The following SVIL variants were observed in gnomAD, a reference collection of about 807,000 sequenced individuals.
SVIL encodes supervillin.
Under a neutral mutation model 240.4 loss-of-function variants are expected in SVIL, and 101 were observed. The observed-to-expected ratio is 0.42, with a 90% confidence interval of 0.36 to 0.50. The LOEUF (loss-of-function observed/expected upper bound fraction) is 0.50, where lower values mean the gene tolerates loss of function less well. Among genes scored for constraint, SVIL ranks in the 20% least tolerant of loss-of-function variants. The probability of loss-of-function intolerance (pLI) is 0.01; values close to 1 mark genes in which losing one functional copy is unlikely to be tolerated. For missense variants in SVIL, 2,512 were observed against 2,818.7 expected, an observed-to-expected ratio of 0.89 and a Z score of 2.46; for synonymous variants, 999 against 1,100.0, an observed-to-expected ratio of 0.91 and a Z score of 1.82.
chr10:29,586,738 C>T (rs1303357982), intron 1 of SVIL, among the ~76,000 whole-genome samples: 1 of 152,132 alleles, frequency 6.6e-6, no homozygotes, highest in Non-Finnish European at 1.5e-5. Context: ...ATGTCCTCTG[C>T]AGGGACATGG....
chr10:29,524,824 T>C, intron 13 of SVIL, 109 bp from the exon 14 acceptor site: 1 of 1,532,348 alleles, frequency 6.5e-7, no homozygotes, highest in Non-Finnish European at 8.8e-7. Flanking sequence ...AAAGGGCTTC[T>C]TTTTCCCTAA....
At chr10:29,564,246 C>T (rs536501100) in intron 2 of SVIL, among the ~76,000 whole-genome samples, 24 of 152,196 alleles carry the variant, frequency 1.6e-4, no homozygotes, top group Non-Finnish European at 2.1e-4. Context: ...TTTACAGATC[C>T]GGAAATTGTT....
chr10:29,622,494 A>G (rs906873564), intron 1 of SVIL, among the ~76,000 whole-genome samples: 1 of 152,086 alleles, frequency 6.6e-6, no homozygotes, highest in Non-Finnish European at 1.5e-5. Flanking sequence ...CTCCAAAATC[A>G]TTGGAAGGAA....
chr10:29,539,857 C>A (rs547907575), intron 6 of SVIL, among the ~76,000 whole-genome samples: 10 of 152,288 alleles, frequency 6.6e-5, no homozygotes, highest in African/African-American at 1.9e-4. Flanking sequence ...CTTCCCTATG[C>A]CAAATCCCTG....
At chr10:29,515,581 A>C (rs376165278) in intron 16 of SVIL, among the ~76,000 whole-genome samples, 90 of 152,240 alleles carry the variant, frequency 5.9e-4, no homozygotes, top group African/African-American at 2.0e-3. Context: ...TCTCCCTGTA[A>C]ACTGGCCTCA....
intron 1 of SVIL, among the ~76,000 whole-genome samples, chr10:29,593,913 G>C (rs2132812777): frequency 6.6e-6 from 1 of 152,228 alleles, no homozygotes; most frequent in African/African-American, 2.4e-5. Context: ...TGGTTCTCTG[G>C]GGTTGGGAGG....
In SVIL at chr10:29,529,722, C is replaced by A; in HGVS notation, c.2229G>T (p.Glu743Asp). 1.2e-6 allele frequency: 2 copies of A among 1,609,194 alleles called. No individual in the cohort carries two copies. Among genetic ancestry groups the A allele is most frequent in the Non-Finnish European group, 1.7e-6 (2 of 1,178,206 alleles). ...GCACTTACGTGGCTGCGATGACCAC[C>A]TCTTCAGTGGTGATGGGCTGGGTGA... ...RSLTQPITTE[E>D]VVIAATEPIP... Residue 743 changes from glutamate to aspartate, a missense_variant, in exon 12 of 38, where the codon GAG (glutamate) becomes GAT (aspartate). Physicochemically the swap from Glu to Asp is conservative, Grantham distance 45. This residue lies in a region of SVIL where 1,443 missense variants were observed against 1,486.6 expected (regional missense o/e 0.97). Coordinates refer to ENST00000355867, the MANE Select transcript of SVIL (RefSeq NM_021738.3).
At chr10:29,661,569 T>G (rs966160505) in intron 2 of SVIL, among the ~76,000 whole-genome samples, 1 of 152,148 alleles carries the variant, frequency 6.6e-6, no homozygotes, top group African/African-American at 2.4e-5. Flanking sequence ...CCAAGGCATT[T>G]CTTTCCGGAC....
At chr10:29,593,323 G>C (rs576792517) in intron 1 of SVIL, among the ~76,000 whole-genome samples, 1 of 152,300 alleles carries the variant, frequency 6.6e-6, no homozygotes, top group South Asian at 2.1e-4. Context: ...TTAAGTGCCT[G>C]AAACTCACTC....
intron 6 of SVIL, chr10:29,544,997 G>A (rs758058754): frequency 7.5e-6 from 4 of 534,506 alleles, no homozygotes; most frequent in East Asian, 5.5e-5. Flanking sequence ...CCCCCAAGAT[G>A]TATGTTTCTC....
chr10:29,459,355 A>T (rs1317276933), intron 36 of SVIL, among the ~76,000 whole-genome samples: 1 of 152,122 alleles, frequency 6.6e-6, no homozygotes, highest in Non-Finnish European at 1.5e-5. Flanking sequence ...CTTGTCACAG[A>T]GTTTTAAACA....
chr10:29,706,884 A>G (rs1348344574), intron 1 of SVIL, among the ~76,000 whole-genome samples: 2 of 152,186 alleles, frequency 1.3e-5, no homozygotes, highest in Admixed American at 1.3e-4. Flanking sequence ...AGCACTGTTT[A>G]ACAAATAGGG....
intron 1 of SVIL, among the ~76,000 whole-genome samples, chr10:29,591,744 G>A (rs2132806050): frequency 6.6e-6 from 1 of 152,322 alleles, no homozygotes; most frequent in African/African-American, 2.4e-5. Flanking sequence ...GCAGCAGACA[G>A]AACTCATGCC....
chr10:29,601,191 T>C (rs1054635324), intron 1 of SVIL, among the ~76,000 whole-genome samples: 1 of 152,176 alleles, frequency 6.6e-6, no homozygotes, highest in Non-Finnish European at 1.5e-5. Context: ...AGCAAAAGCA[T>C]TGAAAAAAAA....
chr10:29,673,575 A>AG (rs201195355), intron 2 of SVIL, among the ~76,000 whole-genome samples: 3 of 128,856 alleles, frequency 2.3e-5, no homozygotes, highest in South Asian at 4.9e-4. Flanking sequence ...ACATGGCATT[A>AG]GGGGGGAGAG....
chr10:29,604,354 C>A (rs1179501766), intron 1 of SVIL, among the ~76,000 whole-genome samples: 1 of 136,232 alleles, frequency 7.3e-6, no homozygotes, highest in Non-Finnish European at 1.6e-5. Flanking sequence ...CATGTGCCAC[C>A]ATGTCTGGCT....
chr10:29,511,833 C>T (rs1407055097), intron 17 of SVIL, among the ~76,000 whole-genome samples: 1 of 152,202 alleles, frequency 6.6e-6, no homozygotes, highest in Admixed American at 6.5e-5. Context: ...TCTATGTGCA[C>T]ATCTCATTTT....
chr10:29,623,787 G>A (rs1253969370), intron 1 of SVIL, among the ~76,000 whole-genome samples: 1 of 151,718 alleles, frequency 6.6e-6, no homozygotes, highest in African/African-American at 2.4e-5. Context: ...GGAGGGGGAG[G>A]TTGCAGTGAG....
chr10:29,635,645 TC>T (rs1337225189), upstream of SVIL, among the ~76,000 whole-genome samples: 4 of 152,170 alleles, frequency 2.6e-5, no homozygotes, highest in Non-Finnish European at 5.9e-5. Flanking sequence ...CACAACCACT[TC>T]TTAAATGGCC....
Sources: gnomAD v4.1 joint callset for allele counts (sites outside exome capture counted in the v4.1 genomes callset) on GRCh38, gnomAD v4.1.1 for gene constraint, gnomAD v4.1.1 regional missense constraint, MANE v1.5 for transcripts, NCBI Gene and HGNC (gene_info 2026-07-23, HGNC 2026-07-21) for gene names.